The following FAM107B variants were observed in gnomAD, a reference collection of about 807,000 sequenced individuals.
FAM107B encodes protein FAM107B.
In FAM107B, 21 loss-of-function variants were observed where a neutral mutation model predicts 31.5. That is an observed-to-expected ratio of 0.67 (90% CI 0.47 to 0.96). The LOEUF (loss-of-function observed/expected upper bound fraction) is 0.96. Among genes scored for constraint, FAM107B ranks in the 40% least tolerant of loss-of-function variants. The probability of loss-of-function intolerance (pLI) is 0.00; values close to 1 mark genes in which losing one functional copy is unlikely to be tolerated. For missense variants in FAM107B, 452 were observed against 377.1 expected (o/e 1.20, Z -1.64); for synonymous variants, 157 against 141.5 (o/e 1.11, Z -0.78).
At chr10:14,749,408 A>C (rs1832784535) in intron 1 of FAM107B, among the ~76,000 whole-genome samples, 1 of 152,024 alleles carries the variant, frequency 6.6e-6, no homozygotes, top group South Asian at 2.1e-4. Context: ...TCCCCCTCTC[A>C]ATCAATCTGG....
chr10:14,533,460 AT>A (rs1159395038), intron 2 of FAM107B, among the ~76,000 whole-genome samples: 1 of 152,164 alleles, frequency 6.6e-6, no homozygotes, highest in Non-Finnish European at 1.5e-5. Context: ...TCTGATCGAC[AT>A]GAAAGAGGTG....
chr10:14,637,204 C>T (rs1360500832), intron 2 of FAM107B, among the ~76,000 whole-genome samples: 3 of 152,104 alleles, frequency 2.0e-5, no homozygotes, highest in South Asian at 2.1e-4. Context: ...ACACCATGCC[C>T]CTCCTAGCAC....
In FAM107B at chr10:14,665,739, A is replaced by G. The variant is rs1854387261; in HGVS notation, c.469+1895T>C. Among the ~76,000 whole-genome samples the G allele has an allele frequency of 2.0e-5, 3 of 152,330 alleles. No individual in the cohort carries two copies. The South Asian group carries it at 6.2e-4, about 32-fold the overall frequency. On this transcript the variant is annotated intron_variant, in intron 2 of 4. Coordinates refer to ENST00000181796, the MANE Select transcript of FAM107B (RefSeq NM_031453.4). ...AGGCTTTCAAACTCCAATCTTCATT[A>G]CAAGTATCATCAACCCCAAGGGGCC... is the stretch of plus-strand genomic sequence containing the variant.
chr10:14,547,394 A>G (rs1848796451), intron 2 of FAM107B, among the ~76,000 whole-genome samples: 1 of 152,264 alleles, frequency 6.6e-6, no homozygotes, highest in East Asian at 1.9e-4. Context: ...TTCATCTCAA[A>G]TCTCCGTATA....
chr10:14,692,219 A>C (rs1382638742), intron 1 of FAM107B, among the ~76,000 whole-genome samples: 1 of 152,172 alleles, frequency 6.6e-6, no homozygotes, highest in Non-Finnish European at 1.5e-5. Context: ...GTGGAAAGAA[A>C]GGAGAAGGGA....
At chr10:14,604,609 C>T (rs776348452) in intron 2 of FAM107B, among the ~76,000 whole-genome samples, 15 of 151,640 alleles carry the variant, frequency 9.9e-5, no homozygotes, top group African/African-American at 2.4e-5. Context: ...CTCCGGGACT[C>T]GGTGGGAGCG....
intron 2 of FAM107B, among the ~76,000 whole-genome samples, chr10:14,541,425 C>T (rs1244390571): frequency 6.6e-6 from 1 of 152,194 alleles, no homozygotes; most frequent in East Asian, 1.9e-4. Flanking sequence ...AGCCAGTACA[C>T]ACCAAGCCCG....
intron 1 of FAM107B, among the ~76,000 whole-genome samples, chr10:14,687,075 A>G (rs1252393881): frequency 2.0e-5 from 3 of 152,220 alleles, no homozygotes; most frequent in Non-Finnish European, 1.5e-5. Flanking sequence ...TGGTTCAGTA[A>G]ATAGCTCTCA....
intron 1 of FAM107B, among the ~76,000 whole-genome samples, chr10:14,745,897 G>T (rs1001456791): frequency 2.0e-5 from 3 of 151,920 alleles, no homozygotes; most frequent in Admixed American, 1.3e-4. Context: ...TTGACAGTGG[G>T]GTGTTAAAGT....
At chr10:14,757,294 T>C (rs894730879) in intron 1 of FAM107B, among the ~76,000 whole-genome samples, 6 of 151,084 alleles carry the variant, frequency 4.0e-5, no homozygotes, top group Non-Finnish European at 4.4e-5. Context: ...AATAATAGAT[T>C]CACAATAAAT....
chr10:14,608,307 C>A (rs1852642828), intron 2 of FAM107B, among the ~76,000 whole-genome samples: 1 of 152,210 alleles, frequency 6.6e-6, no homozygotes, highest in Admixed American at 6.5e-5. Context: ...TTTTAAAATC[C>A]TATTTTTAAG....
At chr10:14,708,362 T>C (rs1375702600) in intron 1 of FAM107B, among the ~76,000 whole-genome samples, 1 of 152,146 alleles carries the variant, frequency 6.6e-6, no homozygotes, top group African/African-American at 2.4e-5. Context: ...ATTACAGGCA[T>C]GAGCCACCGC....
intron 1 of FAM107B, among the ~76,000 whole-genome samples, chr10:14,685,142 A>ATT (rs59475861): frequency 1.1e-3 from 42 of 36,742 alleles, no homozygotes; most frequent in African/African-American, 2.8e-3. Context: ...ACATCCTTTT[A>ATT]TTTTTTTTTT....
At chr10:14,595,422 C>CTTTTTTTTT (rs35540585) in intron 2 of FAM107B, among the ~76,000 whole-genome samples, 5 of 98,146 alleles carry the variant, frequency 5.1e-5, no homozygotes, top group Non-Finnish European at 3.9e-5. Context: ...CTAGGGCAAC[C>CTTTTTTTTT]TTTTTTTTTT....
intron 1 of FAM107B, among the ~76,000 whole-genome samples, chr10:14,699,093 G>A (rs200690301): frequency 6.6e-6 from 1 of 152,136 alleles, no homozygotes; most frequent in Non-Finnish European, 1.5e-5. Flanking sequence ...GAGACAGAGG[G>A]AACAAAGGCA....
intron 1 of FAM107B, among the ~76,000 whole-genome samples, chr10:14,747,305 A>G (rs767807782): frequency 1.3e-5 from 2 of 152,172 alleles, no homozygotes; most frequent in Non-Finnish European, 2.9e-5. Context: ...CAATTCATAC[A>G]TCTCAGCCTC....
At position 14,614,025 on chromosome 10, in the gene FAM107B, G is replaced by A. The variant is rs1348139047; in HGVS notation, c.469+53609C>T. On this transcript the variant is annotated intron_variant, in intron 2 of 4. Transcript: ENST00000181796. ...GGGCGCCTGTAGTCCCAGCTACTCGGGAGGCTGATACAGAAGAATCGCTTG... is the reference window on the plus strand; with the variant it reads ...GGGCGCCTGTAGTCCCAGCTACTCGAGAGGCTGATACAGAAGAATCGCTTG... Among the ~76,000 whole-genome samples the A allele has an allele frequency of 2.0e-5, 3 of 152,136 alleles. No homozygotes were observed. The East Asian group carries it at 5.8e-4, about 29-fold the overall frequency.
chr10:14,698,304 T>A (rs951963700), intron 1 of FAM107B, among the ~76,000 whole-genome samples: 1 of 152,302 alleles, frequency 6.6e-6, no homozygotes, highest in Non-Finnish European at 1.5e-5. Flanking sequence ...GTCTTTCTAA[T>A]TCTGTGATCA....
intron 2 of FAM107B, among the ~76,000 whole-genome samples, chr10:14,567,085 G>A (rs373177371): frequency 4.6e-5 from 7 of 152,270 alleles, no homozygotes; most frequent in African/African-American, 7.2e-5. Flanking sequence ...CCCAGGAGGC[G>A]GAGCTTGCAG....
Sources: gnomAD v4.1 joint callset for allele counts (sites outside exome capture counted in the v4.1 genomes callset) on GRCh38, gnomAD v4.1.1 for gene constraint, MANE v1.5 for transcripts, NCBI Gene and HGNC (gene_info 2026-07-23, HGNC 2026-07-21) for gene names.